Variants in TLL1 observed in about 807,000 individuals in gnomAD.
TLL1 encodes tolloid like 1, also known as tolloid-like protein 1.
A neutral mutation model predicts 128.2 loss-of-function variants in TLL1; 49 were observed. That is an observed-to-expected ratio of 0.38 (90% CI 0.30 to 0.48). The LOEUF is 0.48. Ranked by LOEUF, TLL1 falls within the 20% of genes least tolerant of loss-of-function variation. TLL1 has a pLI of 0.96. For missense variants in TLL1, 1,123 were observed against 1,242.0 expected (o/e 0.90, Z 1.44); for synonymous variants, 454 against 418.8 (o/e 1.08, Z -1.03).
chr4:165,878,846 T>TAGAG (rs1259999307), intron 1 of TLL1, among the ~76,000 whole-genome samples: 2 of 151,502 alleles, frequency 1.3e-5, no homozygotes, highest in African/African-American at 4.8e-5. Context: ...TTCGTATGTG[T>TAGAG]AGAGCCTAGA....
chr4:166,064,537 G>T (rs555217322), intron 15 of TLL1, among the ~76,000 whole-genome samples: 1 of 152,176 alleles, frequency 6.6e-6, no homozygotes, highest in South Asian at 2.1e-4. Context: ...TCATGTTACT[G>T]TGTAGAAAGC....
chr4:166,068,211 C>T (rs1740660732), intron 16 of TLL1, among the ~76,000 whole-genome samples: 1 of 151,404 alleles, frequency 6.6e-6, no homozygotes, highest in Non-Finnish European at 1.5e-5. Flanking sequence ...GATGTTTGCC[C>T]AGGAAAAGGG....
intron 6 of TLL1, among the ~76,000 whole-genome samples, chr4:166,006,612 G>GT (rs1274921904): frequency 6.6e-6 from 1 of 151,658 alleles, no homozygotes; most frequent in Non-Finnish European, 1.5e-5. Flanking sequence ...TGAGACAGGT[G>GT]TTTTAACAGT....
At chr4:166,097,659 A>G (rs937308051) in intron 19 of TLL1, among the ~76,000 whole-genome samples, 1 of 152,120 alleles carries the variant, frequency 6.6e-6, no homozygotes, top group Non-Finnish European at 1.5e-5. Flanking sequence ...AAGTCAACAA[A>G]CCACAATATG....
intron 1 of TLL1, among the ~76,000 whole-genome samples, chr4:165,931,514 T>G (rs185902378): frequency 0.013 from 2,015 of 149,376 alleles, 36 homozygotes; most frequent in African/African-American, 0.048. Context: ...GTCAGGAGAT[T>G]GAGACCTCCT....
Position 166,055,132 on chromosome 4 carries a change from T to C in TLL1, c.1581T>C (p.Ser527=), listed in dbSNP as rs1739942943. 6.2e-7 allele frequency: 1 copy of C among 1,613,220 alleles called. No individual in the cohort carries two copies. The highest frequency in any genetic ancestry group is 1.7e-5 in the Admixed American group (1 of 59,912). ...YDYLEVRDGT[S]ENSPLIGRFC... ...ACCTGGAAGTTAGAGATGGAACCAG[T>C]GAAAATAGCCCTTTGATAGGGCGTT... Residue 527 remains serine, a synonymous_variant, in exon 13 of 21, where the codon AGT becomes AGC. Coordinates refer to ENST00000061240, the MANE Select transcript of TLL1 (RefSeq NM_012464.5).
At chr4:166,046,604 A>C (rs937422860) in intron 12 of TLL1, among the ~76,000 whole-genome samples, 1 of 152,198 alleles carries the variant, frequency 6.6e-6, no homozygotes, top group African/African-American at 2.4e-5. Context: ...ACACAGCAGC[A>C]AATTTTGAGT....
chr4:166,092,438 A>G (rs1741818105), intron 19 of TLL1, among the ~76,000 whole-genome samples: 1 of 152,044 alleles, frequency 6.6e-6, no homozygotes, highest in Non-Finnish European at 1.5e-5. Context: ...TGATTAATAT[A>G]AATATAAATA....
intron 1 of TLL1, among the ~76,000 whole-genome samples, chr4:165,972,669 G>T (rs1735679591): frequency 2.0e-5 from 3 of 152,132 alleles, no homozygotes; most frequent in Admixed American, 2.0e-4. Flanking sequence ...CAGTGTTCCT[G>T]CATGTGACTA....
rs1284168551 is a variant in TLL1, at chr4:166,074,879, C to A, written c.2190C>A (p.Asp730Glu). 11 of 1,613,234 alleles carry A rather than the reference C, an allele frequency of 6.8e-6. No individual in the cohort carries two copies. The highest frequency in any genetic ancestry group is 3.3e-5 in the South Asian group (3 of 91,064). Residue 730 changes from aspartate to glutamate, a missense_variant and splice_region_variant, in exon 17 of 21, where the codon GAC (aspartate) becomes GAA (glutamate). Physicochemically the swap from Asp to Glu is conservative, Grantham distance 45. Around this residue, in one of 3 missense-constraint regions of TLL1, gnomAD observed 634 missense variants for 672.4 expected, o/e 0.94. Coordinates refer to ENST00000061240, the MANE Select transcript of TLL1 (RefSeq NM_012464.5). ...CTATGGGATTGATCTCTTTGCTAGACAAAGATGAATGCTCTAAGGATAATG... is the reference window on the plus strand; with the variant it reads ...CTATGGGATTGATCTCTTTGCTAGAAAAAGATGAATGCTCTAAGGATAATG... ...KKGFKAHFFS[D>E]KDECSKDNGG... is the part of the protein sequence containing the mutation.
intron 9 of TLL1, among the ~76,000 whole-genome samples, chr4:166,028,563 A>T (rs976659628): frequency 6.6e-6 from 1 of 152,004 alleles, no homozygotes; most frequent in African/African-American, 2.4e-5. Context: ...TTATCTGTTT[A>T]TCAGATATTT....
intron 7 of TLL1, among the ~76,000 whole-genome samples, chr4:166,012,712 GTTTCTTA>G (rs1391906435): frequency 6.6e-6 from 1 of 151,616 alleles, no homozygotes; most frequent in African/African-American, 2.4e-5. Flanking sequence ...GCCTGGAGTG[GTTTCTTA>G]TGAACTATGC....
At chr4:165,990,884 T>C (rs1736608247) in intron 2 of TLL1, among the ~76,000 whole-genome samples, 2 of 152,124 alleles carry the variant, frequency 1.3e-5, no homozygotes, top group East Asian at 3.9e-4. Flanking sequence ...TATATCAGTA[T>C]GGGTGCTAAT....
intron 5 of TLL1, among the ~76,000 whole-genome samples, chr4:165,998,069 T>C (rs577984156): frequency 1.3e-5 from 2 of 152,306 alleles, no homozygotes; most frequent in Admixed American, 1.3e-4. Flanking sequence ...AGAGAGGAGG[T>C]TCTCTAACTG....
At chr4:165,882,557 T>C (rs1267472978) in intron 1 of TLL1, among the ~76,000 whole-genome samples, 1 of 152,076 alleles carries the variant, frequency 6.6e-6, no homozygotes, top group East Asian at 1.9e-4. Flanking sequence ...TAATTGGGTT[T>C]TGGTATCTGG....
At chr4:166,002,781 C>T (rs533050065) in intron 5 of TLL1, among the ~76,000 whole-genome samples, 1 of 152,182 alleles carries the variant, frequency 6.6e-6, no homozygotes, top group South Asian at 2.1e-4. Context: ...TTCTTTGAAA[C>T]GTTTCTTTTA....
intron 16 of TLL1, among the ~76,000 whole-genome samples, chr4:166,073,845 A>G (rs1036266448): frequency 4.6e-5 from 7 of 152,188 alleles, no homozygotes; most frequent in African/African-American, 1.7e-4. Context: ...AGAGCTTGCT[A>G]GTGCTCACTA....
chr4:165,989,439 T>C lies in TLL1; in HGVS notation c.228T>C (p.Asp76=), dbSNP rs757758562. 6.2e-7 allele frequency: 1 copy of C among 1,612,994 alleles called. No individual in the cohort carries two copies. Among genetic ancestry groups the C allele is most frequent in the Non-Finnish European group, 8.5e-7 (1 of 1,179,372 alleles). Residue 76 remains aspartate (D), a synonymous_variant, in exon 2 of 21, where the codon GAT becomes GAC. Transcript: ENST00000061240. The stretch of plus-strand genomic sequence containing the variant: ...AAGACTTAAATATCTTTCAAATAGA[T>C]AGGACAATTGACCTTACGCAGAACC... ...DDEDLNIFQI[D]RTIDLTQNPF... is the part of the protein sequence containing the mutation.
chr4:165,919,805 G>A lies in TLL1; in HGVS notation c.169+45732G>A, dbSNP rs1324436639. On this transcript the variant is annotated intron_variant, in intron 1 of 20. Transcript: ENST00000061240. The stretch of plus-strand genomic sequence containing the variant: ...AGGCCTTGTTTAAAACACTCACTCT[G>A]GGATACTACTGTGCTTCTTTACTTC... The A allele has an allele frequency of 6.6e-6, 3 of 456,096 alleles. No homozygotes were observed. The Admixed American group carries it at 7.0e-5, about 11-fold the overall frequency. The allele number at this position is 456,096 out of a possible 1,614,324, so 28.3% of individuals were successfully genotyped here.
Sources: gnomAD v4.1 joint callset for allele counts (sites outside exome capture counted in the v4.1 genomes callset) on GRCh38, gnomAD v4.1.1 for gene constraint, gnomAD v4.1.1 regional missense constraint, MANE v1.5 for transcripts, NCBI Gene and HGNC (gene_info 2026-07-23, HGNC 2026-07-21) for gene names.